Variants in CHRM5 observed in about 807,000 individuals in gnomAD.
CHRM5 encodes muscarinic acetylcholine receptor M5.
Under a neutral mutation model 39.0 loss-of-function variants are expected in CHRM5, and 18 were observed. That is an observed-to-expected ratio of 0.46 (90% CI 0.32 to 0.68). CHRM5 has a LOEUF of 0.68. CHRM5 is among the 30% of genes least tolerant of loss of function. CHRM5 has a pLI of 0.04. For synonymous variants in CHRM5, 241 were observed against 246.3 expected (o/e 0.98, Z 0.20); for missense variants, 515 against 651.1 (o/e 0.79, Z 2.28).
At chr15:34,024,860 CA>C (rs34957149) in intron 1 of CHRM5, among the ~76,000 whole-genome samples, 3 of 145,888 alleles carry the variant, frequency 2.1e-5, no homozygotes, top group South Asian at 2.2e-4. Context: ...GACTCCTTCT[CA>C]AAAAAAAAAG....
chr15:34,026,934 T>G (rs1277465772), intron 1 of CHRM5, among the ~76,000 whole-genome samples: 2 of 152,170 alleles, frequency 1.3e-5, no homozygotes, highest in Non-Finnish European at 2.9e-5. Flanking sequence ...ACATGATGTG[T>G]TTTGTCCCAA....
At chr15:34,021,966 T>C (rs1163493633) in intron 1 of CHRM5, among the ~76,000 whole-genome samples, 2 of 152,166 alleles carry the variant, frequency 1.3e-5, no homozygotes, top group African/African-American at 4.8e-5. Context: ...TTAAAGTCCA[T>C]AGAAAGCAAA....
chr15:33,971,966 C>T (rs1017627570), intron 1 of CHRM5: 2 of 152,034 alleles, frequency 1.3e-5, no homozygotes, highest in African/African-American at 2.4e-5. Flanking sequence ...TGATTATATG[C>T]TTTCAGTGTG....
chr15:34,017,024 A>AGGAGGCTGAGGTGGGAGGATCACC (rs1384947434), intron 1 of CHRM5, among the ~76,000 whole-genome samples: 3 of 107,222 alleles, frequency 2.8e-5, no homozygotes, highest in Non-Finnish European at 4.8e-5. Context: ...CAAGCTACTC[A>AGGAGGCTGAGGTGGGAGGATCACC]GGAGGCTGAG....
At chr15:34,061,420 A>G (rs1238834755) in intron 2 of CHRM5, among the ~76,000 whole-genome samples, 1 of 152,252 alleles carries the variant, frequency 6.6e-6, no homozygotes, top group Non-Finnish European at 1.5e-5. Context: ...GTCTGTGATA[A>G]TTCATTTGTT....
chr15:34,002,131 C>T (rs1487115709), intron 1 of CHRM5, among the ~76,000 whole-genome samples: 1 of 152,154 alleles, frequency 6.6e-6, no homozygotes, highest in Non-Finnish European at 1.5e-5. Flanking sequence ...AAGACTGACA[C>T]TGAAACTGAT....
At chr15:34,001,364 C>A (rs1290653549) in intron 1 of CHRM5, among the ~76,000 whole-genome samples, 1 of 151,930 alleles carries the variant, frequency 6.6e-6, no homozygotes, top group African/African-American at 2.4e-5. Context: ...TATGAAGTAT[C>A]TTTTTTTTGA....
intron 1 of CHRM5, among the ~76,000 whole-genome samples, chr15:34,029,127 C>A (rs192394093): frequency 2.6e-5 from 4 of 152,256 alleles, no homozygotes; most frequent in Non-Finnish European, 1.5e-5. Context: ...GCTTCCACAG[C>A]ACCTTCCCCT....
chr15:33,984,248 C>G (rs758739352), intron 1 of CHRM5, among the ~76,000 whole-genome samples: 2 of 152,068 alleles, frequency 1.3e-5, no homozygotes, highest in African/African-American at 2.4e-5. Flanking sequence ...ACTGTATTAT[C>G]TTTGTAACTC....
At chr15:34,004,390 G>A (rs546905089) in intron 1 of CHRM5, among the ~76,000 whole-genome samples, 6 of 152,202 alleles carry the variant, frequency 3.9e-5, no homozygotes, top group African/African-American at 1.2e-4. Flanking sequence ...AAAAATGGTG[G>A]GAGAGGATGG....
rs372823322 is a variant in CHRM5, at chr15:34,009,747, G to C, written c.-407-36793G>C. Among the ~76,000 whole-genome samples the C allele has an allele frequency of 3.3e-5, 5 of 152,274 alleles. No homozygotes were observed. The East Asian group carries it at 5.8e-4, about 18-fold the overall frequency. On this transcript the variant is annotated intron_variant, in intron 1 of 2. Coordinates refer to ENST00000383263, the MANE Select transcript of CHRM5 (RefSeq NM_012125.4). ...TCATGCCTGTAATCCCAATGCTTTG[G>C]GAGGCCAAGGTAGGGAGGGTCGCTT... is the stretch of plus-strand genomic sequence containing the variant.
intron 1 of CHRM5, among the ~76,000 whole-genome samples, chr15:34,022,905 A>G (rs1277897214): frequency 6.6e-6 from 1 of 152,192 alleles, no homozygotes; most frequent in African/African-American, 2.4e-5. Context: ...AAGAACAATG[A>G]GGCCGGGCGC....
At chr15:34,043,637 AG>A (rs1899571485) in intron 1 of CHRM5, among the ~76,000 whole-genome samples, 4 of 152,180 alleles carry the variant, frequency 2.6e-5, no homozygotes, top group Admixed American at 1.3e-4. Context: ...AGAGCTTACC[AG>A]GTCATAAGTC....
Position 34,064,546 on chromosome 15 carries a change from G to C in CHRM5, c.*230G>C. 1 of 576,360 alleles carries C rather than the reference G, an allele frequency of 1.7e-6. No homozygotes were observed. Among genetic ancestry groups the C allele is most frequent in the Non-Finnish European group, 3.1e-6 (1 of 321,490 alleles). 35.7% of individuals were successfully genotyped at this position (576,360 alleles called of 1,614,324 possible). A position where few individuals can be genotyped will look rare whatever the true frequency, so the allele number is the denominator to read the frequency against. On this transcript the variant is annotated 3_prime_UTR_variant, in exon 3 of 3. Transcript: ENST00000383263. ...TGACCAAGGCCATTTGATGCCAGGG[G>C]AGTTTGCCAATGAAGTAAAGGGATA...
Position 34,000,363 on chromosome 15 carries a change from T to C in CHRM5, c.-408+31213T>C, listed in dbSNP as rs550414603. Among the ~76,000 whole-genome samples the C allele has an allele frequency of 2.6e-5, 4 of 152,340 alleles. No homozygotes were observed. In the East Asian group the frequency reaches 5.8e-4, roughly 22 times the overall value. On this transcript the variant is annotated intron_variant, in intron 1 of 2. Coordinates refer to ENST00000383263, the MANE Select transcript of CHRM5 (RefSeq NM_012125.4). ...ATAGCTGGAACAATGGGTACTTAAATATCTGTTGAATTAACTACACTAGAT... is the reference window on the plus strand; with the variant it reads ...ATAGCTGGAACAATGGGTACTTAAACATCTGTTGAATTAACTACACTAGAT...
intron 1 of CHRM5, among the ~76,000 whole-genome samples, chr15:33,970,670 A>AT (rs149502075): frequency 0.014 from 2,171 of 152,004 alleles, 50 homozygotes; most frequent in African/African-American, 0.049. Context: ...ATAATTAAAG[A>AT]TTTTTTAATT....
intron 1 of CHRM5, among the ~76,000 whole-genome samples, chr15:34,042,650 G>A (rs1432701540): frequency 6.6e-6 from 1 of 151,762 alleles, no homozygotes; most frequent in Non-Finnish European, 1.5e-5. Context: ...TGATCCATCC[G>A]CCTCAGCCTC....
chr15:34,066,332 C>A lies in CHRM5; in HGVS notation c.*2016C>A, dbSNP rs554093086. ...TGATTCCTGATAAAGATGAAAACCCCTTCATGAGAATAGGCTTTTAAGCCC... is the reference window on the plus strand; with the variant it reads ...TGATTCCTGATAAAGATGAAAACCCATTCATGAGAATAGGCTTTTAAGCCC... On this transcript the variant is annotated 3_prime_UTR_variant, in exon 3 of 3. Transcript: ENST00000383263. 2 of 152,228 alleles carry A rather than the reference C, an allele frequency of 1.3e-5. No individual in the cohort carries two copies. The allele number at this position is 152,228 out of a possible 1,614,324, so 9.4% of individuals were successfully genotyped here. A position where few individuals can be genotyped will look rare whatever the true frequency, so the allele number is the denominator to read the frequency against.
Position 33,983,200 on chromosome 15 carries a change from G to GTATA in CHRM5, c.-408+14061_-408+14064dup, listed in dbSNP as rs769965010. 1.1e-3 allele frequency among the ~76,000 whole-genome samples: 72 copies of GTATA among 63,896 alleles called. 2 individuals carry two copies. Among genetic ancestry groups the GTATA allele is most frequent in the Admixed American group, 1.9e-3 (10 of 5,362 alleles). 41.9% of individuals were successfully genotyped at this position (63,896 alleles called of 152,430 possible). Reference sequence around the variant, plus strand: ...TATACACACGTGTGTGTATGTGTGTGTATATATATATATACATATATATAC... The same window carrying GTATA: ...TATACACACGTGTGTGTATGTGTGTGTATATATATATATATATACATATATATAC... On this transcript the variant is annotated intron_variant, in intron 1 of 2. Transcript: ENST00000383263.
Sources: gnomAD v4.1 joint callset for allele counts (sites outside exome capture counted in the v4.1 genomes callset) on GRCh38, gnomAD v4.1.1 for gene constraint, MANE v1.5 for transcripts, NCBI Gene and HGNC (gene_info 2026-07-23, HGNC 2026-07-21) for gene names.